SLC24A2: variants seen among roughly 807,000 people sequenced by gnomAD.
The protein encoded by SLC24A2 is solute carrier family 24 member 2.
Under a neutral mutation model 62.0 loss-of-function variants are expected in SLC24A2, and 36 were observed. That is an observed-to-expected ratio of 0.58 (90% CI 0.44 to 0.77). The LOEUF is 0.77. SLC24A2 is among the 30% of genes least tolerant of loss of function. SLC24A2 has a pLI of 0.00. For synonymous variants in SLC24A2, 358 were observed against 294.0 expected (o/e 1.22, Z -2.23); for missense variants, 846 against 817.9 (o/e 1.03, Z -0.42).
the SLC24A2 span, among the ~76,000 whole-genome samples, chr9:19,826,051 T>C: frequency 6.6e-6 from 1 of 151,328 alleles, no homozygotes; most frequent in East Asian, 1.9e-4. Flanking sequence ...GCTCAGGGGA[T>C]GGAAAATGAT....
chr9:19,613,255 G>T (rs1482728258), intron 4 of SLC24A2, among the ~76,000 whole-genome samples: 1 of 152,190 alleles, frequency 6.6e-6, no homozygotes, highest in Non-Finnish European at 1.5e-5. Context: ...CACCAGAAAA[G>T]ACTGTGGTAT....
At chr9:19,585,942 G>T (rs568048617) in intron 5 of SLC24A2, among the ~76,000 whole-genome samples, 195 of 152,300 alleles carry the variant, frequency 1.3e-3, no homozygotes, top group African/African-American at 4.5e-3. Context: ...TCCTAGCAGG[G>T]TCACCTTATC....
chr9:19,626,974 A>G (rs1433610094), intron 2 of SLC24A2, among the ~76,000 whole-genome samples: 1 of 152,208 alleles, frequency 6.6e-6, no homozygotes, highest in African/African-American at 2.4e-5. Context: ...CCCTCCTTTT[A>G]CTTTGTCTTA....
At chr9:20,141,512 C>T in the SLC24A2 span, among the ~76,000 whole-genome samples, 2 of 152,004 alleles carry the variant, frequency 1.3e-5, no homozygotes, top group Admixed American at 6.6e-5. Context: ...GAGTCTTCTG[C>T]TACCAGCTGA....
At chr9:19,542,195 C>T (rs548445696) in intron 8 of SLC24A2, among the ~76,000 whole-genome samples, 113 of 152,212 alleles carry the variant, frequency 7.4e-4, no homozygotes, top group African/African-American at 2.6e-3. Context: ...AGCTGTAGAC[C>T]GGAGCTGTTC....
chr9:19,572,259 CAAA>C lies in SLC24A2; in HGVS notation c.1347+1089_1347+1091del, dbSNP rs34529143. On this transcript the variant is annotated intron_variant, in intron 7 of 10. Coordinates refer to ENST00000341998, the MANE Select transcript of SLC24A2 (RefSeq NM_020344.4). Reference sequence around the variant, plus strand: ...TGGGTGACAGAGTGAGAGTCCGTCTCAAAAAAAAAAAAAAAAAAAAAAATGGAG... The same window carrying C: ...TGGGTGACAGAGTGAGAGTCCGTCTCAAAAAAAAAAAAAAAAAAAATGGAG... 4.5e-3 allele frequency among the ~76,000 whole-genome samples: 317 copies of C among 69,752 alleles called. 1 individual carries two copies. The highest frequency in any genetic ancestry group is 0.019 in the African/African-American group (307 of 16,494). 45.8% of individuals were successfully genotyped at this position (69,752 alleles called of 152,430 possible).
At chr9:19,837,852 A>C in the SLC24A2 span, among the ~76,000 whole-genome samples, 1 of 152,038 alleles carries the variant, frequency 6.6e-6, no homozygotes, top group Non-Finnish European at 1.5e-5. Flanking sequence ...CTAGGAATCC[A>C]ACTTACAAGG....
At chr9:20,208,376 A>C in the SLC24A2 span, among the ~76,000 whole-genome samples, 1 of 152,326 alleles carries the variant, frequency 6.6e-6, no homozygotes, top group East Asian at 1.9e-4. Flanking sequence ...GCCCAGAGCT[A>C]AGCTTAAGTG....
chr9:19,518,394 A>C (rs896491104), intron 10 of SLC24A2, among the ~76,000 whole-genome samples: 5 of 150,208 alleles, frequency 3.3e-5, no homozygotes, highest in East Asian at 2.0e-4. Context: ...TTTAAGCTTT[A>C]TTTTTCTTTT....
At chr9:20,100,181 T>G in the SLC24A2 span, among the ~76,000 whole-genome samples, 3 of 151,812 alleles carry the variant, frequency 2.0e-5, no homozygotes, top group Non-Finnish European at 4.4e-5. Flanking sequence ...TAACTTTTTG[T>G]GTGTGTGTGT....
chr9:20,212,400 CA>C, the SLC24A2 span, among the ~76,000 whole-genome samples: 2 of 151,832 alleles, frequency 1.3e-5, no homozygotes, highest in African/African-American at 4.9e-5. Context: ...CCTGTAATCC[CA>C]GCACTTTGGG....
chr9:20,238,964 G>T, the SLC24A2 span, among the ~76,000 whole-genome samples: 1 of 152,156 alleles, frequency 6.6e-6, no homozygotes, highest in Non-Finnish European at 1.5e-5. Context: ...CCACGGGAGG[G>T]CACATCTAGA....
Position 19,788,928 on chromosome 9 carries a change from G to A in SLC24A2, c.-197C>T, listed in dbSNP as rs1203783034. The A allele has an allele frequency of 2.0e-6, 2 of 985,034 alleles. No homozygotes were observed. Among genetic ancestry groups the A allele is most frequent in the East Asian group, 2.3e-4 (2 of 8,808 alleles). 61.0% of individuals were successfully genotyped at this position (985,034 alleles called of 1,614,324 possible). ...CGCGCACACGGCGGGGCCCCCGAGC[G>A]CGGCCCGCCGCTCCAGTCCGCCGGC... On this transcript the variant is annotated 5_prime_UTR_variant, in exon 1 of 11. Coordinates refer to ENST00000341998, the MANE Select transcript of SLC24A2 (RefSeq NM_020344.4).
intron 7 of SLC24A2, among the ~76,000 whole-genome samples, chr9:19,568,560 G>GAGAT (rs961795344): frequency 1.2e-4 from 19 of 152,220 alleles, no homozygotes; most frequent in African/African-American, 4.6e-4. Context: ...ACAGTGCTAT[G>GAGAT]AGATAGAAAC....
At chr9:20,007,412 T>A in the SLC24A2 span, among the ~76,000 whole-genome samples, 1 of 152,074 alleles carries the variant, frequency 6.6e-6, no homozygotes, top group South Asian at 2.1e-4. Context: ...GGGGGTGGGG[T>A]AATTTGTGTG....
chr9:19,943,598 G>A, the SLC24A2 span, among the ~76,000 whole-genome samples: 2 of 152,084 alleles, frequency 1.3e-5, no homozygotes, highest in South Asian at 4.1e-4. Context: ...AAACTCAAGA[G>A]TGCATTTGTG....
At chr9:19,679,978 C>A (rs1262246557) in intron 2 of SLC24A2, among the ~76,000 whole-genome samples, 2 of 151,870 alleles carry the variant, frequency 1.3e-5, no homozygotes, top group East Asian at 1.9e-4. Context: ...CAGAAAGGAA[C>A]CTTAACTGGT....
the SLC24A2 span, among the ~76,000 whole-genome samples, chr9:19,960,841 CAT>C: frequency 6.6e-6 from 1 of 152,146 alleles, no homozygotes; most frequent in Admixed American, 6.6e-5. Context: ...AGTGTGATAA[CAT>C]ATGTAAAGCT....
At chr9:19,545,917 G>A (rs74429472) in intron 8 of SLC24A2, among the ~76,000 whole-genome samples, 1 of 152,264 alleles carries the variant, frequency 6.6e-6, no homozygotes, top group South Asian at 2.1e-4. Context: ...GATTACAGCC[G>A]TGAGCCACTG....
Sources: gnomAD v4.1 joint callset for allele counts (sites outside exome capture counted in the v4.1 genomes callset) on GRCh38, gnomAD v4.1.1 for gene constraint, MANE v1.5 for transcripts, NCBI Gene and HGNC (gene_info 2026-07-23, HGNC 2026-07-21) for gene names.